The following PCCA variants were observed in gnomAD, a reference collection of about 807,000 sequenced individuals.
PCCA encodes propionyl-CoA carboxylase subunit alpha.
In PCCA, 74 loss-of-function variants were observed where a neutral mutation model predicts 101.3. The ratio of observed to expected loss-of-function variants is 0.73; its 90% CI spans 0.61 to 0.89. The LOEUF is 0.89. Ranked by LOEUF, PCCA falls within the 40% of genes least tolerant of loss-of-function variation. PCCA has a pLI of 0.00. For missense variants in PCCA, 891 were observed against 907.0 expected (o/e 0.98, Z 0.23); for synonymous variants, 294 against 313.6 (o/e 0.94, Z 0.66).
Position 100,515,564 on chromosome 13 carries a change from C to T in PCCA, c.2037C>T (p.Asp679=), listed in dbSNP as rs146870931. 168 of 1,613,646 alleles carry T rather than the reference C, an allele frequency of 1.0e-4. No homozygotes were observed. The African/African-American group carries it at 1.1e-3, about 11-fold the overall frequency. Residue 679 remains aspartate, a synonymous_variant, in exon 22 of 24, where the codon GAC becomes GAT. Coordinates refer to ENST00000376285, the MANE Select transcript of PCCA (RefSeq NM_000282.4). ...TGGCCGTCTCTGTCAAGCCTGGAGA[C>T]GCGGTAAGGGCTGTGTGTGTCTCTC... The part of the protein sequence containing the change: ...VVVAVSVKPG[D]AVAEGQEICV...
At chr13:100,344,959 G>A (rs1012873126) in intron 18 of PCCA, among the ~76,000 whole-genome samples, 1 of 152,042 alleles carries the variant, frequency 6.6e-6, no homozygotes, top group African/African-American at 2.4e-5. Context: ...ATTGTTTTGG[G>A]GTGCCACAAA....
chr13:100,506,532 A>G (rs1223864639), intron 21 of PCCA, among the ~76,000 whole-genome samples: 1 of 152,212 alleles, frequency 6.6e-6, no homozygotes, highest in Non-Finnish European at 1.5e-5. Flanking sequence ...TAAAGCCAGC[A>G]TTTAGGCATT....
At position 100,154,990 on chromosome 13, in the gene PCCA, A is replaced by C; in HGVS notation, c.312A>C (p.Lys104Asn). 1 of 1,613,590 alleles carries C rather than the reference A, an allele frequency of 6.2e-7. No homozygotes were observed. ...SDVDASSVHV[K>N]MADEAVCVGP... ...ATTTGTCTCCTCAGGTTCATGTGAAAATGGCGGATGAGGCTGTCTGTGTTG... is the reference window on the plus strand; with the variant it reads ...ATTTGTCTCCTCAGGTTCATGTGAACATGGCGGATGAGGCTGTCTGTGTTG... Residue 104 changes from lysine (K) to asparagine (N), a missense_variant, in exon 5 of 24, where the codon AAA (lysine) becomes AAC (asparagine). Coordinates refer to ENST00000376285, the MANE Select transcript of PCCA (RefSeq NM_000282.4).
At chr13:100,439,352 C>G (rs2080175000) in intron 20 of PCCA, among the ~76,000 whole-genome samples, 1 of 151,960 alleles carries the variant, frequency 6.6e-6, no homozygotes, top group African/African-American at 2.4e-5. Flanking sequence ...AAATTACAAC[C>G]ATTTTTAAAA....
chr13:100,529,290 G>A (rs2088162413), intron 23 of PCCA, among the ~76,000 whole-genome samples: 1 of 152,186 alleles, frequency 6.6e-6, no homozygotes, highest in South Asian at 2.1e-4. Flanking sequence ...TAGTAGGGCT[G>A]CTAAATGGAG....
rs138100126 is a variant in PCCA, at chr13:100,184,893, T to C, written c.469-24439T>C. Among the ~76,000 whole-genome samples, 240 of 152,360 alleles carry C rather than the reference T, an allele frequency of 1.6e-3. 2 individuals carry two copies. Among genetic ancestry groups the C allele is most frequent in the Middle Eastern group, 0.01 (3 of 294 alleles). ...ATTGGCCAGTACTTGTTATAGAGCT[T>C]TCTGTCTTCCTCATCTTTAATGGTT... On this transcript the variant is annotated intron_variant, in intron 6 of 23. Transcript: ENST00000376285.
chr13:100,247,240 C>T (rs1221809795), intron 8 of PCCA, among the ~76,000 whole-genome samples: 2 of 115,030 alleles, frequency 1.7e-5, no homozygotes, highest in Non-Finnish European at 3.4e-5. Context: ...TTTTTTGAGA[C>T]AGAGTCTCAC....
chr13:100,253,340 G>A (rs2061875652), intron 8 of PCCA, among the ~76,000 whole-genome samples: 1 of 152,200 alleles, frequency 6.6e-6, no homozygotes, highest in Non-Finnish European at 1.5e-5. Context: ...CTGCTAGATA[G>A]CAGGGAGTTT....
At chr13:100,126,857 C>G (rs1233729534) in intron 4 of PCCA, among the ~76,000 whole-genome samples, 1 of 152,092 alleles carries the variant, frequency 6.6e-6, no homozygotes, top group East Asian at 1.9e-4. Context: ...CTGTGACTTT[C>G]ATGTATTAAC....
intron 12 of PCCA, among the ~76,000 whole-genome samples, chr13:100,282,303 G>A (rs1306318672): frequency 6.6e-6 from 1 of 152,262 alleles, no homozygotes; most frequent in Non-Finnish European, 1.5e-5. Flanking sequence ...CAGAGCCCTC[G>A]CTCGCTCTCG....
At chr13:100,189,246 A>G (rs2152444787) in intron 6 of PCCA, among the ~76,000 whole-genome samples, 1 of 152,320 alleles carries the variant, frequency 6.6e-6, no homozygotes, top group South Asian at 2.1e-4. Flanking sequence ...ATAGTATTCC[A>G]TGGTATATGT....
At chr13:100,329,732 A>G (rs1206191499) in intron 16 of PCCA, among the ~76,000 whole-genome samples, 1 of 152,196 alleles carries the variant, frequency 6.6e-6, no homozygotes, top group Non-Finnish European at 1.5e-5. Context: ...GATCAGCTCA[A>G]TGGCTGGACC....
chr13:100,366,638 C>T (rs961087465), intron 18 of PCCA, among the ~76,000 whole-genome samples: 1 of 152,064 alleles, frequency 6.6e-6, no homozygotes, highest in African/African-American at 2.4e-5. Context: ...CTCCTCCTCC[C>T]CTCCCCACTG....
At chr13:100,245,070 C>T (rs572804774) in intron 8 of PCCA, among the ~76,000 whole-genome samples, 1 of 151,818 alleles carries the variant, frequency 6.6e-6, no homozygotes, top group East Asian at 1.9e-4. Context: ...ATGTGCATCA[C>T]CTCAGTCTGA....
In PCCA at chr13:100,340,169, C is replaced by A. The variant is rs1173804979; in HGVS notation, c.1553C>A (p.Thr518Asn). ...YPDGFKGHML[T>N]KSEKNQLLAI... The stretch of plus-strand genomic sequence containing the variant: ...TGATTTCCCTCAGGACACATGCTAA[C>A]CAAGAGTGAGAAGAACCAGTTATTG... Residue 518 changes from threonine (T) to asparagine (N), a missense_variant, in exon 18 of 24, where the codon ACC becomes AAC. Coordinates refer to ENST00000376285, the MANE Select transcript of PCCA (RefSeq NM_000282.4). The A allele has an allele frequency of 3.1e-6, 5 of 1,589,230 alleles. No homozygotes were observed. In the African/African-American group the frequency reaches 6.7e-5, roughly 21 times the overall value.
intron 22 of PCCA, among the ~76,000 whole-genome samples, chr13:100,521,908 A>G (rs762398049): frequency 2.0e-5 from 3 of 152,188 alleles, no homozygotes; most frequent in Non-Finnish European, 4.4e-5. Context: ...CTTCTGTCTA[A>G]TTTGGCAGAA....
At chr13:100,489,883 A>G (rs1318400918) in intron 21 of PCCA, 2 of 152,224 alleles carry the variant, frequency 1.3e-5, no homozygotes, top group African/African-American at 4.8e-5. Context: ...GCCTCCAGCC[A>G]TTTCCTGGGT....
At position 100,157,319 on chromosome 13, in the gene PCCA, C is replaced by T. The variant is rs1040697743; in HGVS notation, c.447C>T (p.Asn149=). 1 of 1,611,260 alleles carries T rather than the reference C, an allele frequency of 6.2e-7. No homozygotes were observed. Among genetic ancestry groups the T allele is most frequent in the African/African-American group, 1.3e-5 (1 of 74,960 alleles). The change falls in exon 6 of 24, where the codon AAC becomes AAT. Residue 149 remains asparagine (N), a synonymous_variant. Transcript: ENST00000376285. The part of the protein sequence containing the change: ...VHPGYGFLSE[N]KEFARCLAAE... ...CAGGTTATGGATTCCTTTCAGAAAA[C>T]AAAGAATTTGCCAGATGTTTGGTAA...
chr13:100,092,900 A>C (rs2046408108), intron 1 of PCCA, among the ~76,000 whole-genome samples: 1 of 152,226 alleles, frequency 6.6e-6, no homozygotes, highest in Non-Finnish European at 1.5e-5. Flanking sequence ...TACAGAAACT[A>C]GTTTCTGGTG....
Sources: allele counts gnomAD v4.1 joint callset (sites outside exome capture counted in the v4.1 genomes callset), GRCh38; gene constraint gnomAD v4.1.1; transcripts MANE v1.5; gene names NCBI Gene and HGNC (gene_info 2026-07-23, HGNC 2026-07-21).